DENND10: variants seen among roughly 807,000 people sequenced by gnomAD.
DENND10 encodes DENN domain containing 10, also known as DENN domain-containing protein 10.
DENND10 carries 24 observed loss-of-function variants against 43.6 expected under a neutral mutation model. The ratio of observed to expected loss-of-function variants is 0.55; its 90% CI spans 0.40 to 0.77. The LOEUF (loss-of-function observed/expected upper bound fraction) is 0.77, where lower values mean the gene tolerates loss of function less well. Among genes scored for constraint, DENND10 ranks in the 30% least tolerant of loss-of-function variants. The pLI is 0.00. For synonymous variants in DENND10, 125 were observed against 157.6 expected (o/e 0.79, Z 1.55); for missense variants, 303 against 429.9 (o/e 0.70, Z 2.61).
Position 119,133,672 on chromosome 10 carries a change from G to T in DENND10, c.897+1063G>T, listed in dbSNP as rs1005769352. Reference sequence around the variant, plus strand: ...ATCTCTAAGGAGGTGACATGTCAGCGGAAAGATGAGAGGGGCCATTTCTCT... The same window carrying T: ...ATCTCTAAGGAGGTGACATGTCAGCTGAAAGATGAGAGGGGCCATTTCTCT... On this transcript the variant is annotated intron_variant, in intron 8 of 8. Transcript: ENST00000361432. 43 of 152,310 alleles carry T rather than the reference G, an allele frequency of 2.8e-4. 1 individual carries two copies. Among genetic ancestry groups the T allele is most frequent in the Admixed American group, 1.7e-3 (26 of 15,266 alleles). 9.4% of individuals were successfully genotyped at this position (152,310 alleles called of 1,614,324 possible).
Position 119,123,469 on chromosome 10 carries a change from G to A in DENND10, c.594G>A (p.Arg198=). 6.2e-7 allele frequency: 1 copy of A among 1,613,182 alleles called. No individual in the cohort carries two copies. The highest frequency in any genetic ancestry group is 8.5e-7 in the Non-Finnish European group (1 of 1,179,276). Residue 198 remains arginine (R), a splice_region_variant and synonymous_variant, in exon 6 of 9, where the codon AGG becomes AGA. Coordinates refer to ENST00000361432, the MANE Select transcript of DENND10 (RefSeq NM_207009.4). ...TTGAGTTCTTGCCTTGATTCCCCAG[G>A]ACTCTGCCTGCCCTGGTGTGGCACC... ...PKIEAVQEFT[R]TLPALVWHRQ... is the part of the protein sequence containing the mutation.
intron 3 of DENND10, among the ~76,000 whole-genome samples, chr10:119,116,054 G>A (rs758606005): frequency 3.3e-5 from 5 of 152,142 alleles, no homozygotes; most frequent in Admixed American, 1.3e-4. Flanking sequence ...ATGAGTCACT[G>A]TGCCCGGCCC....
At chr10:119,129,720 C>A in intron 7 of DENND10, 98 bp downstream of exon 7, 1 of 783,496 alleles carries the variant, frequency 1.3e-6, no homozygotes, top group Non-Finnish European at 2.2e-6. Flanking sequence ...GCTGGCTTAC[C>A]AACTCTGCTG....
chr10:119,125,090 G>C (rs552290215), intron 6 of DENND10, among the ~76,000 whole-genome samples: 85 of 152,000 alleles, frequency 5.6e-4, no homozygotes, highest in African/African-American at 2.0e-3. Flanking sequence ...TCCTGCCTTA[G>C]CCTCCCTAGT....
At chr10:119,127,661 T>C (rs1486367547) in intron 6 of DENND10, among the ~76,000 whole-genome samples, 2 of 151,800 alleles carry the variant, frequency 1.3e-5, no homozygotes, top group Non-Finnish European at 2.9e-5. Context: ...TTTTTTATTT[T>C]ATTTTTAGTA....
chr10:119,120,558 T>A, intron 5 of DENND10, 106 bp downstream of exon 5: 2 of 723,894 alleles, frequency 2.8e-6, no homozygotes, highest in Non-Finnish European at 4.9e-6. Context: ...ATAAATAGCA[T>A]GTGGTGAAAT....
intron 8 of DENND10, chr10:119,135,293 G>A (rs904522860): frequency 6.6e-5 from 10 of 152,152 alleles, no homozygotes; most frequent in African/African-American, 2.4e-4. Context: ...TGTGGTGCAT[G>A]ACTGTACTCG....
At chr10:119,111,702 A>G in intron 2 of DENND10, 147 bp from the exon 3 acceptor site, 1 of 604,730 alleles carries the variant, frequency 1.7e-6, no homozygotes, top group Non-Finnish European at 2.9e-6. Context: ...GCAGAAGTAT[A>G]AAGAAGCAAG....
At chr10:119,123,605 C>CTT (rs372448900) in intron 6 of DENND10, 36 bp downstream of exon 6, 6,208 of 1,025,740 alleles carry the variant, frequency 6.1e-3, no homozygotes, top group African/African-American at 8.4e-3. Context: ...AACTGTTTCA[C>CTT]TTTTTTTTTT....
intron 1 of DENND10, chr10:119,105,474 G>C (rs944368656): frequency 9.2e-7 from 1 of 1,087,548 alleles, no homozygotes; most frequent in Non-Finnish European, 1.2e-6. Flanking sequence ...TTGTGGAGAT[G>C]GGATACCGAC....
At chr10:119,111,405 G>T (rs1439359896) in intron 2 of DENND10, among the ~76,000 whole-genome samples, 1 of 151,508 alleles carries the variant, frequency 6.6e-6, no homozygotes, top group African/African-American at 2.4e-5. Context: ...GAGCCCAGGA[G>T]TTCAAGTCCA....
chr10:119,122,987 G>A (rs900622204), intron 5 of DENND10, among the ~76,000 whole-genome samples: 21 of 152,308 alleles, frequency 1.4e-4, no homozygotes, highest in Middle Eastern at 3.4e-3. Context: ...TTGCAGAGAG[G>A]CTGGGTGCAG....
intron 8 of DENND10, chr10:119,134,067 A>C (rs1846200218): frequency 6.6e-6 from 1 of 152,088 alleles, no homozygotes; most frequent in Admixed American, 6.6e-5. Flanking sequence ...TTTGAGTTTC[A>C]CTGTCGCCCA....
intron 2 of DENND10, among the ~76,000 whole-genome samples, chr10:119,110,531 C>A (rs1395182633): frequency 6.6e-6 from 1 of 152,112 alleles, no homozygotes. Context: ...AATCTCGGCT[C>A]ACTGCAACCT....
intron 6 of DENND10, among the ~76,000 whole-genome samples, chr10:119,125,501 C>CTTTTTTTTTTT (rs34630434): frequency 3.6e-3 from 236 of 65,854 alleles, no homozygotes; most frequent in Middle Eastern, 0.023. Context: ...TTCTAGTTTT[C>CTTTTTTTTTTT]TTTTTTTTTT....
At chr10:119,119,634 C>G (rs1845465038) in intron 4 of DENND10, among the ~76,000 whole-genome samples, 1 of 151,956 alleles carries the variant, frequency 6.6e-6, no homozygotes, top group Non-Finnish European at 1.5e-5. Context: ...AGGCTGGTCT[C>G]AAACTCCTGG....
At chr10:119,125,042 G>C (rs147309925) in intron 6 of DENND10, among the ~76,000 whole-genome samples, 1 of 152,036 alleles carries the variant, frequency 6.6e-6, no homozygotes, top group South Asian at 2.1e-4. Flanking sequence ...TGTGATCTCA[G>C]CTCACTGCAA....
chr10:119,112,495 T>TTC (rs1845025645), intron 3 of DENND10, among the ~76,000 whole-genome samples: 1 of 143,116 alleles, frequency 7.0e-6, no homozygotes, highest in African/African-American at 2.6e-5. Flanking sequence ...TTCTTTTTCT[T>TTC]TTTTTTTTTT....
intron 3 of DENND10, among the ~76,000 whole-genome samples, chr10:119,117,026 C>T (rs1296253013): frequency 6.6e-6 from 1 of 152,036 alleles, no homozygotes; most frequent in Non-Finnish European, 1.5e-5. Context: ...AATGATGCTA[C>T]TTGAAAGTAA....
Sources: gnomAD v4.1 joint callset for allele counts (sites outside exome capture counted in the v4.1 genomes callset) on GRCh38, gnomAD v4.1.1 for gene constraint, MANE v1.5 for transcripts, NCBI Gene and HGNC (gene_info 2026-07-23, HGNC 2026-07-21) for gene names.